The following ZNF536 variants were observed in gnomAD, a reference collection of about 807,000 sequenced individuals.
The protein encoded by ZNF536 is zinc finger protein 536.
In ZNF536, 13 loss-of-function variants were observed where a neutral mutation model predicts 84.5. The ratio of observed to expected loss-of-function variants is 0.15; its 90% CI spans 0.10 to 0.24. ZNF536 has a LOEUF of 0.24. Ranked by LOEUF, ZNF536 falls within the 10% of genes least tolerant of loss-of-function variation. ZNF536 has a pLI of 1.00. For synonymous variants in ZNF536, 811 were observed against 742.5 expected, an observed-to-expected ratio of 1.09 and a Z score of -1.50; for missense variants, 1,536 against 1,747.5, an observed-to-expected ratio of 0.88 and a Z score of 2.16.
At chr19:30,373,110 C>T (rs2147054439) in intron 1 of ZNF536, among the ~76,000 whole-genome samples, 1 of 152,312 alleles carries the variant, frequency 6.6e-6, no homozygotes, top group East Asian at 1.9e-4. Context: ...TTAGAGAAAT[C>T]AAATTGTCTG....
At chr19:30,264,395 C>CTGTG (rs66665013) in intron 1 of ZNF536, among the ~76,000 whole-genome samples, 5 of 124,668 alleles carry the variant, frequency 4.0e-5, no homozygotes, top group Non-Finnish European at 7.6e-5. Flanking sequence ...AGTTGTGCCT[C>CTGTG]TGTGTGTGTG....
At chr19:30,248,637 C>A (rs568648082) in intron 1 of ZNF536, among the ~76,000 whole-genome samples, 2 of 152,188 alleles carry the variant, frequency 1.3e-5, no homozygotes, top group Admixed American at 6.5e-5. Flanking sequence ...GACTTCTAAC[C>A]TTTTATCTTA....
intron 1 of ZNF536, among the ~76,000 whole-genome samples, chr19:30,282,072 C>T (rs992234978): frequency 2.0e-5 from 3 of 152,232 alleles, no homozygotes; most frequent in Non-Finnish European, 4.4e-5. Context: ...CCCTGCATCA[C>T]GAGAGCATCT....
chr19:30,639,497 G>A (rs563149730), intron 1 of ZNF536, among the ~76,000 whole-genome samples: 21 of 152,228 alleles, frequency 1.4e-4, no homozygotes, highest in African/African-American at 3.9e-4. Flanking sequence ...CCACATGGCC[G>A]TCAGCTACCC....
At chr19:30,238,453 A>T (rs1312872618) in intron 1 of ZNF536, among the ~76,000 whole-genome samples, 1 of 151,880 alleles carries the variant, frequency 6.6e-6, no homozygotes, top group East Asian at 1.9e-4. Context: ...ACACACACAC[A>T]CACACAATCA....
At chr19:30,471,889 T>G (rs2053649776) in intron 2 of ZNF536, among the ~76,000 whole-genome samples, 1 of 152,228 alleles carries the variant, frequency 6.6e-6, no homozygotes, top group South Asian at 2.1e-4. Context: ...TTCTTCTTTT[T>G]CTCAGTGCTC....
In ZNF536 at chr19:30,445,747, A is replaced by G. The variant is rs779560708; in HGVS notation, c.2170+15A>G. The G allele has an allele frequency of 3.2e-5, 49 of 1,532,446 alleles. No individual in the cohort carries two copies. The highest frequency in any genetic ancestry group is 3.9e-5 in the Non-Finnish European group (45 of 1,140,470). 94.9% of individuals were successfully genotyped at this position (1,532,446 alleles called of 1,614,324 possible). ...ATCCTCCTCAGGTAGGTTAGCTGAGAAGCGGGGAGAAGCAGCTTGTACAGC... is the reference window on the plus strand; with the variant it reads ...ATCCTCCTCAGGTAGGTTAGCTGAGGAGCGGGGAGAAGCAGCTTGTACAGC... On this transcript the variant is annotated intron_variant, in intron 2 of 4. Coordinates refer to ENST00000355537, the MANE Select transcript of ZNF536 (RefSeq NM_014717.3). This position sits in a 1 kb window ranked among gnomAD's most constrained non-coding sequence, Gnocchi z 4.5.
chr19:30,469,399 G>A (rs1311984646), intron 2 of ZNF536, among the ~76,000 whole-genome samples: 1 of 152,022 alleles, frequency 6.6e-6, no homozygotes, highest in Admixed American at 6.5e-5. Flanking sequence ...GCAACAGAGT[G>A]AGACTCCATC....
intron 1 of ZNF536, among the ~76,000 whole-genome samples, chr19:30,702,840 A>C (rs553152321): frequency 6.6e-6 from 1 of 152,176 alleles, no homozygotes; most frequent in East Asian, 1.9e-4. Flanking sequence ...GAAATCTGTG[A>C]TGTGCCAAGC....
At chr19:30,251,654 A>T (rs1278557894) in intron 1 of ZNF536, among the ~76,000 whole-genome samples, 1 of 152,152 alleles carries the variant, frequency 6.6e-6, no homozygotes, top group East Asian at 1.9e-4. Context: ...TTTAGTGGTG[A>T]TTTGTGAGAT....
At chr19:30,665,293 G>T (rs567643015) in intron 1 of ZNF536, 2 of 152,196 alleles carry the variant, frequency 1.3e-5, no homozygotes, top group Non-Finnish European at 2.9e-5. Context: ...CAGTAAGCCA[G>T]GATGGCACCA....
intron 3 of ZNF536, among the ~76,000 whole-genome samples, chr19:30,541,412 A>C (rs1457649713): frequency 6.6e-6 from 1 of 150,618 alleles, no homozygotes; most frequent in South Asian, 2.1e-4. Context: ...AAAAAAAAAA[A>C]TCTCCAAAAG....
chr19:30,516,163 A>C, intron 2 of ZNF536, among the ~76,000 whole-genome samples: 1 of 152,158 alleles, frequency 6.6e-6, no homozygotes. Flanking sequence ...TTGGGTGGAC[A>C]TGTTTGCTGT....
intron 1 of ZNF536, among the ~76,000 whole-genome samples, chr19:30,431,238 C>G (rs1725773148): frequency 6.6e-6 from 1 of 152,138 alleles, no homozygotes; most frequent in African/African-American, 2.4e-5. Flanking sequence ...TCCCTCCTCT[C>G]CCAGGAGGCC....
At chr19:30,487,325 T>G (rs565346750) in intron 2 of ZNF536, among the ~76,000 whole-genome samples, 149 of 152,306 alleles carry the variant, frequency 9.8e-4, no homozygotes, top group Non-Finnish European at 1.6e-3. Context: ...CAGAGCTCCT[T>G]GATGGACATG....
intron 1 of ZNF536, among the ~76,000 whole-genome samples, chr19:30,253,237 A>C (rs956353952): frequency 6.6e-6 from 1 of 152,222 alleles, no homozygotes; most frequent in Non-Finnish European, 1.5e-5. Context: ...CAGAAGGAAA[A>C]ATTGATTTTA....
chr19:30,653,321 C>CT (rs1367858376), intron 1 of ZNF536, among the ~76,000 whole-genome samples: 4 of 152,084 alleles, frequency 2.6e-5, no homozygotes, highest in African/African-American at 4.8e-5. Context: ...TAGCATCTGT[C>CT]TTCTCACTGC....
Position 30,566,523 on chromosome 19 carries a change from G to T in ZNF536, c.169+17009G>T, listed in dbSNP as rs138931574. On this transcript the variant is annotated intron_variant, in intron 1 of 1. Coordinates refer to the ZNF536 transcript ENST00000592773. ...TTTATTATTCTCATTTTAAGTATGG[G>T]GAAACTGAGGCACCGAGCAGCATCT... is the stretch of plus-strand genomic sequence containing the variant. Among the ~76,000 whole-genome samples, 152 of 152,342 alleles carry T rather than the reference G, an allele frequency of 1.0e-3. 1 individual carries two copies. Among genetic ancestry groups the T allele is most frequent in the African/African-American group, 3.6e-3 (151 of 41,584 alleles).
At chr19:30,310,462 A>G (rs879671178) in intron 2 of ZNF536, among the ~76,000 whole-genome samples, 1 of 152,254 alleles carries the variant, frequency 6.6e-6, no homozygotes, top group Non-Finnish European at 1.5e-5. Flanking sequence ...CATCGGTTTC[A>G]TGCAGACATG....
Sources: gnomAD v4.1 joint callset for allele counts (sites outside exome capture counted in the v4.1 genomes callset) on GRCh38, gnomAD v4.1.1 for gene constraint, Gnocchi (gnomAD v3.1) non-coding constraint, MANE v1.5 for transcripts, NCBI Gene and HGNC (gene_info 2026-07-23, HGNC 2026-07-21) for gene names.